The following EXOC6B variants were observed in gnomAD, a reference collection of about 807,000 sequenced individuals.
The protein encoded by EXOC6B is exocyst complex component 6B.
EXOC6B carries 54 observed loss-of-function variants against 113.5 expected under a neutral mutation model. The observed-to-expected ratio is 0.48, with a 90% CI of 0.38 to 0.60. The LOEUF (loss-of-function observed/expected upper bound fraction) is 0.60. EXOC6B is among the 20% of genes least tolerant of loss of function. The probability of loss-of-function intolerance (pLI) is 0.00; values close to 1 mark genes in which losing one functional copy is unlikely to be tolerated. For synonymous variants in EXOC6B, 357 were observed against 339.0 expected (o/e 1.05, Z -0.58); for missense variants, 797 against 977.5 (o/e 0.82, Z 2.46).
intron 20 of EXOC6B, among the ~76,000 whole-genome samples, chr2:72,304,257 C>T (rs1686699869): frequency 1.3e-5 from 2 of 152,154 alleles, no homozygotes; most frequent in Admixed American, 1.3e-4. Flanking sequence ...CTCTTATACA[C>T]AATACTATAA....
chr2:72,197,761 CA>C (rs1266155621), intron 20 of EXOC6B, among the ~76,000 whole-genome samples: 1 of 152,050 alleles, frequency 6.6e-6, no homozygotes, highest in African/African-American at 2.4e-5. Flanking sequence ...GCAGGTTTTT[CA>C]AAATCAGTTG....
At position 72,176,096 on chromosome 2, in the gene EXOC6B, G is replaced by A. The variant is rs1301903863; in HGVS notation, c.*3239C>T. The A allele has an allele frequency of 6.6e-6, 1 of 152,212 alleles. No individual in the cohort carries two copies. Among genetic ancestry groups the A allele is most frequent in the East Asian group, 1.9e-4 (1 of 5,178 alleles). The allele number at this position is 152,212 out of a possible 1,614,324, so 9.4% of individuals were successfully genotyped here. A position where few individuals can be genotyped will look rare whatever the true frequency, so the allele number is the denominator to read the frequency against. On this transcript the variant is annotated 3_prime_UTR_variant, in exon 22 of 22. Transcript: ENST00000272427. The stretch of plus-strand genomic sequence containing the variant: ...CAGAGGAGCTTTCCCCTAACCATGC[G>A]GCCCATCTGTATCAGTAGCTTTACA...
intron 20 of EXOC6B, among the ~76,000 whole-genome samples, chr2:72,234,779 T>C (rs1031645389): frequency 6.6e-6 from 1 of 152,054 alleles, no homozygotes; most frequent in East Asian, 1.9e-4. Context: ...GAGATACACA[T>C]GCAGCCAACA....
intron 1 of EXOC6B, among the ~76,000 whole-genome samples, chr2:72,794,045 TTTATAAACAACTAA>T (rs948865145): frequency 1.4e-4 from 21 of 152,252 alleles, no homozygotes; most frequent in Middle Eastern, 6.8e-3. Context: ...TAAATACAAA[TTTATAAACAACTAA>T]TTACCCTCTT....
chr2:72,724,231 G>C (rs1238527255), intron 5 of EXOC6B, among the ~76,000 whole-genome samples: 2 of 152,076 alleles, frequency 1.3e-5, no homozygotes, highest in African/African-American at 4.8e-5. Context: ...ACCAGCCAGG[G>C]GAAGGTAAGA....
chr2:72,615,449 C>G (rs902301659), intron 6 of EXOC6B, among the ~76,000 whole-genome samples: 47 of 152,006 alleles, frequency 3.1e-4, no homozygotes, highest in African/African-American at 9.9e-4. Flanking sequence ...ATCGGCCTAA[C>G]CCCCAAACCA....
At chr2:72,356,946 C>T (rs1052357041) in intron 19 of EXOC6B, among the ~76,000 whole-genome samples, 3 of 152,052 alleles carry the variant, frequency 2.0e-5, no homozygotes, top group African/African-American at 7.2e-5. Flanking sequence ...AAGTGACCAA[C>T]GATTAACAGG....
chr2:72,723,099 C>A (rs1680106982), intron 5 of EXOC6B, among the ~76,000 whole-genome samples: 1 of 152,138 alleles, frequency 6.6e-6, no homozygotes, highest in Non-Finnish European at 1.5e-5. Flanking sequence ...CAACTAACAC[C>A]TGTATAGCAG....
intron 18 of EXOC6B, among the ~76,000 whole-genome samples, chr2:72,427,197 G>C (rs1365320928): frequency 6.6e-6 from 1 of 152,234 alleles, no homozygotes; most frequent in Non-Finnish European, 1.5e-5. Context: ...GCCACCCGCT[G>C]GCAGGGGAAC....
intron 20 of EXOC6B, among the ~76,000 whole-genome samples, chr2:72,212,514 C>G (rs2104389936): frequency 6.6e-6 from 1 of 152,312 alleles, no homozygotes; most frequent in South Asian, 2.1e-4. Context: ...AGCATATTAA[C>G]TGAACTGAAA....
At chr2:72,752,651 C>G (rs894564224) in intron 1 of EXOC6B, among the ~76,000 whole-genome samples, 2 of 151,716 alleles carry the variant, frequency 1.3e-5, no homozygotes, top group African/African-American at 4.8e-5. Context: ...TACTTACTGC[C>G]TCCATTTCCT....
rs535130851 is a variant in EXOC6B, at chr2:72,265,702, C to T, written c.2196+69245G>A. Among the ~76,000 whole-genome samples, 6 of 151,460 alleles carry T rather than the reference C, an allele frequency of 4.0e-5. No homozygotes were observed. The South Asian group carries it at 6.3e-4, about 16-fold the overall frequency. On this transcript the variant is annotated intron_variant, in intron 20 of 21. Coordinates refer to ENST00000272427, the MANE Select transcript of EXOC6B (RefSeq NM_015189.3). ...AAGTCTTTGCTATTGTGAATAGTGC[C>T]GCAATAAACATATGTGTGCATGTGT...
At chr2:72,550,919 ATT>A (rs761690851) in intron 8 of EXOC6B, among the ~76,000 whole-genome samples, 10 of 133,120 alleles carry the variant, frequency 7.5e-5, no homozygotes, top group Admixed American at 1.5e-4. Context: ...TTTTTTTTTT[ATT>A]TTTTTTTTTT....
chr2:72,555,710 G>C (rs1703501370), intron 8 of EXOC6B, among the ~76,000 whole-genome samples: 1 of 152,124 alleles, frequency 6.6e-6, no homozygotes, highest in East Asian at 1.9e-4. Context: ...GCAGTAGCAT[G>C]ATCTCGGCTC....
chr2:72,765,771 G>A (rs1026371449), intron 1 of EXOC6B, among the ~76,000 whole-genome samples: 5 of 152,154 alleles, frequency 3.3e-5, no homozygotes, highest in African/African-American at 1.2e-4. Flanking sequence ...GAATGGGTCT[G>A]CCAATATGCT....
intron 1 of EXOC6B, among the ~76,000 whole-genome samples, chr2:72,776,354 C>T (rs988337727): frequency 6.6e-6 from 1 of 152,178 alleles, no homozygotes; most frequent in East Asian, 1.9e-4. Context: ...AGGTGGCTCA[C>T]GCCTATAATC....
chr2:72,255,473 G>A (rs913133858), intron 20 of EXOC6B, among the ~76,000 whole-genome samples: 3 of 152,206 alleles, frequency 2.0e-5, no homozygotes, highest in Admixed American at 2.0e-4. Flanking sequence ...GGAAGGCAGC[G>A]CCAAGAGCCA....
In EXOC6B at chr2:72,414,798, ATACT is replaced by A. The variant is rs371698540; in HGVS notation, c.1981-34932_1981-34929del. ...TCACTGAAAGGGCTTGGCTCTGTTA[ATACT>A]TACCCTAATTCAAGATGTTTTGGTT... is the stretch of plus-strand genomic sequence containing the variant. On this transcript the variant is annotated intron_variant, in intron 18 of 21. Transcript: ENST00000272427. Among the ~76,000 whole-genome samples, 68 of 152,368 alleles carry A rather than the reference ATACT, an allele frequency of 4.5e-4. 3 individuals are homozygous for A. In the South Asian group the frequency reaches 0.014, roughly 31 times the overall value.
At chr2:72,427,178 C>T (rs1486381078) in intron 18 of EXOC6B, among the ~76,000 whole-genome samples, 1 of 152,226 alleles carries the variant, frequency 6.6e-6, no homozygotes, top group Non-Finnish European at 1.5e-5. Context: ...AGCAGTGGGG[C>T]CTGGCCGAGC....
Sources: gnomAD v4.1 joint callset for allele counts (sites outside exome capture counted in the v4.1 genomes callset) on GRCh38, gnomAD v4.1.1 for gene constraint, MANE v1.5 for transcripts, NCBI Gene and HGNC (gene_info 2026-07-23, HGNC 2026-07-21) for gene names.